The following PPIE variants were observed in gnomAD, a reference collection of about 807,000 sequenced individuals.
PPIE encodes the protein peptidyl-prolyl cis-trans isomerase E.
In PPIE, 20 loss-of-function variants were observed where a neutral mutation model predicts 38.4. That is an observed-to-expected ratio of 0.52 (90% CI 0.37 to 0.76). The LOEUF (loss-of-function observed/expected upper bound fraction) is 0.76, where lower values mean the gene tolerates loss of function less well. PPIE is among the 30% of genes least tolerant of loss of function. PPIE has a pLI of 0.00. For missense variants in PPIE, 322 were observed against 385.8 expected, an observed-to-expected ratio of 0.83 and a Z score of 1.39; for synonymous variants, 142 against 135.7, an observed-to-expected ratio of 1.05 and a Z score of -0.32.
chr1:39,748,689 T>G (rs1283906010), intron 7 of PPIE: 4 of 529,124 alleles, frequency 7.6e-6, no homozygotes, highest in Non-Finnish European at 1.0e-5. Context: ...GAACTGAGAT[T>G]GTGCCATTGC....
At chr1:39,760,610 G>T, downstream of PPIE, 1 of 1,597,784 alleles carries the variant, frequency 6.3e-7, no homozygotes. Flanking sequence ...GAGCCCAGTG[G>T]CCTCCTCCAA....
intron 4 of PPIE, 90 bp from the exon 5 acceptor site, chr1:39,743,126 T>A: frequency 8.7e-7 from 1 of 1,153,372 alleles, no homozygotes; most frequent in Non-Finnish European, 1.3e-6. Flanking sequence ...GGAGGACAAA[T>A]CATGAGTGTG....
At chr1:39,753,105 C>A in intron 9 of PPIE, 53 bp downstream of exon 9, 1 of 1,610,110 alleles carries the variant, frequency 6.2e-7, no homozygotes, top group South Asian at 1.1e-5. Context: ...GAGCACAGCC[C>A]TGTGTGAGGG....
In PPIE at chr1:39,756,607, G is replaced by A. The variant is rs1469631445; in HGVS notation, c.*3252G>A. 3.0e-6 allele frequency: 3 copies of A among 985,284 alleles called. No individual in the cohort carries two copies. The highest frequency in any genetic ancestry group is 2.3e-4 in the East Asian group (2 of 8,826). 61.0% of individuals were successfully genotyped at this position (985,284 alleles called of 1,614,324 possible). On this transcript the variant is annotated 3_prime_UTR_variant, in exon 10 of 10. Coordinates refer to ENST00000324379, the MANE Select transcript of PPIE (RefSeq NM_006112.4). ...TTTTTATTGTTGAAAATGGAGTCTT[G>A]TAGAGTTCAGTGATGGGAAACTAAA...
chr1:39,760,780 ACAC>A (rs1253815738), downstream of PPIE, among the ~76,000 whole-genome samples: 1 of 152,108 alleles, frequency 6.6e-6, no homozygotes, highest in Non-Finnish European at 1.5e-5. Context: ...CCAGGGAGGG[ACAC>A]ATGGCAGGGG....
chr1:39,763,136 C>T, intron 9 of PPIE: 3 of 1,614,018 alleles, frequency 1.9e-6, no homozygotes, highest in Non-Finnish European at 2.5e-6. Context: ...ATGCAGGAGT[C>T]CAGTGGGAAG....
chr1:39,741,808 G>A, intron 3 of PPIE, 87 bp from the exon 4 acceptor site: 3 of 1,484,810 alleles, frequency 2.0e-6, no homozygotes, highest in Non-Finnish European at 2.8e-6. Flanking sequence ...GCATTTTTCT[G>A]GATTTTTGCT....
Position 39,753,738 on chromosome 1 carries a change from T to C in PPIE, c.*383T>C. The C allele has an allele frequency of 9.7e-7, 1 of 1,025,872 alleles. No homozygotes were observed. Among genetic ancestry groups the C allele is most frequent in the Non-Finnish European group, 1.2e-6 (1 of 855,402 alleles). 63.5% of individuals were successfully genotyped at this position (1,025,872 alleles called of 1,614,324 possible). A position where few individuals can be genotyped will look rare whatever the true frequency, so the allele number is the denominator to read the frequency against. ...GCTAGTTCTTGGGAGTTGTCAGAGA[T>C]TGTGTCTGTGGCTAAGCTGGACCTC... On this transcript the variant is annotated 3_prime_UTR_variant, in exon 10 of 10. Coordinates refer to ENST00000324379, the MANE Select transcript of PPIE (RefSeq NM_006112.4).
rs367666596 is a variant in PPIE at position 39,745,051 on chromosome 1, C to T, written c.385-324C>T. 4.6e-5 allele frequency among the ~76,000 whole-genome samples: 7 copies of T among 152,308 alleles called. No individual in the cohort carries two copies. In the East Asian group the frequency reaches 9.7e-4, roughly 21 times the overall value. ...TTTGAAGATACTGAGAGTTGTGGAT[C>T]ATGGACCAGAAAAGTGCTGTTCTGT... On this transcript the variant is annotated intron_variant, in intron 6 of 9. Transcript: ENST00000324379.
chr1:39,758,802 A>T (rs1309994192), downstream of PPIE: 2 of 152,274 alleles, frequency 1.3e-5, no homozygotes, highest in Non-Finnish European at 2.9e-5. Flanking sequence ...CTTTGCGTAC[A>T]TGGGAGGGTC....
Position 39,756,372 on chromosome 1 carries a change from C to T in PPIE, c.*3017C>T. 2 of 985,420 alleles carry T rather than the reference C, an allele frequency of 2.0e-6. No homozygotes were observed. Among genetic ancestry groups the T allele is most frequent in the Non-Finnish European group, 2.4e-6 (2 of 829,926 alleles). 61.0% of individuals were successfully genotyped at this position (985,420 alleles called of 1,614,324 possible). Reference sequence around the variant, plus strand: ...TTGCTGATTCATTTCCCCCCTAACTCATTCAGAGTTGAGCCCCATCTGAGT... The same window carrying T: ...TTGCTGATTCATTTCCCCCCTAACTTATTCAGAGTTGAGCCCCATCTGAGT... On this transcript the variant is annotated 3_prime_UTR_variant, in exon 10 of 10. Coordinates refer to ENST00000324379, the MANE Select transcript of PPIE (RefSeq NM_006112.4).
At chr1:39,748,875 C>T in intron 7 of PPIE, 28 bp from the exon 8 acceptor site, 1 of 1,599,686 alleles carries the variant, frequency 6.3e-7, no homozygotes, top group South Asian at 1.1e-5. Flanking sequence ...TTTTTTAACC[C>T]CAGCGCTTTT....
At position 39,755,349 on chromosome 1, in the gene PPIE, G is replaced by T; in HGVS notation, c.*1994G>T. 1.0e-6 allele frequency: 1 copy of T among 985,458 alleles called. No individual in the cohort carries two copies. The highest frequency in any genetic ancestry group is 1.2e-6 in the Non-Finnish European group (1 of 829,926). The allele number at this position is 985,458 out of a possible 1,614,324, so 61.0% of individuals were successfully genotyped here. On this transcript the variant is annotated 3_prime_UTR_variant, in exon 10 of 10. Transcript: ENST00000324379. Reference sequence around the variant, plus strand: ...TCTTGCTGAGGGATGGTGGCATTCTGCCCTACCTCTGGCTCCCATGTGCCG... The same window carrying T: ...TCTTGCTGAGGGATGGTGGCATTCTTCCCTACCTCTGGCTCCCATGTGCCG...
intron 5 of PPIE, 22 bp downstream of exon 5, chr1:39,743,319 AT>A (rs1647107784): frequency 6.2e-7 from 1 of 1,605,938 alleles, no homozygotes; most frequent in Non-Finnish European, 8.5e-7. Flanking sequence ...CAACTTCCAG[AT>A]TCCCTGTGAT....
chr1:39,761,424 A>ACCCCCCCCCCCCAACCCCCCCCC (rs1437075782), downstream of PPIE: 1 of 113,142 alleles, frequency 8.8e-6, no homozygotes, highest in Non-Finnish European at 1.9e-5. Context: ...TTCCACCACC[A>ACCCCCCCCCCCCAACCCCCCCCC]CCCCCACCCC....
downstream of PPIE, chr1:39,757,631 C>T (rs955425437): frequency 6.6e-6 from 1 of 152,262 alleles, no homozygotes; most frequent in African/African-American, 2.4e-5. Context: ...TCATTGCTGT[C>T]AGTAGATCTG....
intron 8 of PPIE, among the ~76,000 whole-genome samples, chr1:39,750,627 T>C: frequency 6.6e-6 from 1 of 152,234 alleles, no homozygotes; most frequent in East Asian, 1.9e-4. Flanking sequence ...TTTGGGATGC[T>C]CAGCCTGTAC....
intron 3 of PPIE, 67 bp downstream of exon 3, chr1:39,741,476 T>A: frequency 6.4e-7 from 1 of 1,557,862 alleles, no homozygotes; most frequent in Non-Finnish European, 8.9e-7. Context: ...CAAAGGAAGC[T>A]TTTCACCATT....
chr1:39,741,744 A>G, intron 3 of PPIE, 151 bp from the exon 4 acceptor site: 3 of 810,290 alleles, frequency 3.7e-6, no homozygotes, highest in Admixed American at 2.6e-5. Context: ...AAAATCAGCC[A>G]GGAAGTGCTC....
Sources: gnomAD v4.1 joint callset for allele counts (sites outside exome capture counted in the v4.1 genomes callset) on GRCh38, gnomAD v4.1.1 for gene constraint, MANE v1.5 for transcripts, NCBI Gene and HGNC (gene_info 2026-07-23, HGNC 2026-07-21) for gene names.